The following GARRE1 variants were observed in gnomAD, a reference collection of about 807,000 sequenced individuals.
GARRE1 encodes granule associated Rac and RHOG effector 1, also known as granule associated Rac and RHOG effector protein 1.
GARRE1 carries 49 observed loss-of-function variants against 103.2 expected under a neutral mutation model. The ratio of observed to expected loss-of-function variants is 0.47; its 90% CI spans 0.38 to 0.60. The LOEUF (loss-of-function observed/expected upper bound fraction) is 0.60, where lower values mean the gene tolerates loss of function less well. Ranked by LOEUF, GARRE1 falls within the 20% of genes least tolerant of loss-of-function variation. The pLI is 0.00. For missense variants in GARRE1, 1,199 were observed against 1,370.5 expected, an observed-to-expected ratio of 0.87 and a Z score of 1.98; for synonymous variants, 505 against 532.8, an observed-to-expected ratio of 0.95 and a Z score of 0.72.
At chr19:34,337,050 GTTTT>G (rs113410326) in intron 8 of GARRE1, among the ~76,000 whole-genome samples, 1 of 115,964 alleles carries the variant, frequency 8.6e-6, no homozygotes, top group South Asian at 2.9e-4. Flanking sequence ...TTTTAGTTCT[GTTTT>G]TTTTTTTTTT....
intron 1 of GARRE1, among the ~76,000 whole-genome samples, chr19:34,275,006 A>T (rs2073808619): frequency 1.3e-5 from 2 of 152,220 alleles, no homozygotes; most frequent in African/African-American, 4.8e-5. Flanking sequence ...GGTTTGAGTC[A>T]GTCTGAACTG....
intron 1 of GARRE1, among the ~76,000 whole-genome samples, chr19:34,285,529 A>G (rs185518373): frequency 4.3e-4 from 66 of 152,214 alleles, no homozygotes; most frequent in African/African-American, 1.5e-3. Flanking sequence ...AGGCTGAGGC[A>G]TGAGAATTGC....
chr19:34,330,899 TA>T (rs1392477297), intron 7 of GARRE1, among the ~76,000 whole-genome samples: 1 of 117,008 alleles, frequency 8.5e-6, no homozygotes, highest in Non-Finnish European at 2.0e-5. Context: ...CACATCTGGC[TA>T]ATTTTTTTTT....
intron 10 of GARRE1, among the ~76,000 whole-genome samples, chr19:34,343,885 T>C (rs1177036357): frequency 6.6e-6 from 1 of 152,060 alleles, no homozygotes; most frequent in Non-Finnish European, 1.5e-5. Context: ...AAAAAGACTA[T>C]CTACTAAAAG....
In GARRE1 at chr19:34,300,973, A is replaced by G. The variant is rs529496099; in HGVS notation, c.495+5A>G. ...TTCAGTCTCCAGGACATTGAGGTAG[A>G]GTATCTTTTGTGTCATACTTGTGTA... On this transcript the variant is annotated splice_donor_5th_base_variant and intron_variant, in intron 2 of 13. Transcript: ENST00000299505. 1.9e-6 allele frequency: 3 copies of G among 1,592,744 alleles called. No homozygotes were observed. Among genetic ancestry groups the G allele is most frequent in the South Asian group, 2.2e-5 (2 of 90,508 alleles).
chr19:34,260,598 G>A (rs559130894), intron 1 of GARRE1, among the ~76,000 whole-genome samples: 1 of 152,208 alleles, frequency 6.6e-6, no homozygotes, highest in Non-Finnish European at 1.5e-5. Flanking sequence ...AGTTACATAT[G>A]TATACATGTG....
chr19:34,328,268 G>T, intron 6 of GARRE1, 117 bp downstream of exon 6: 3 of 1,134,116 alleles, frequency 2.6e-6, no homozygotes, highest in Non-Finnish European at 3.7e-6. Flanking sequence ...GGGCGTGGTG[G>T]CTCACGCCTG....
In GARRE1 at chr19:34,330,487, A is replaced by T; in HGVS notation, c.1263+140A>T. ...GCTGTGGAATTTAGACCAGGCAGGT[A>T]GACAAGGTAAAGGAAGAGCAGCATT... On this transcript the variant is annotated intron_variant, in intron 7 of 13. Transcript: ENST00000299505. 6 of 803,222 alleles carry T rather than the reference A, an allele frequency of 7.5e-6. No individual in the cohort carries two copies. In the East Asian group the frequency reaches 1.6e-4, roughly 22 times the overall value. 49.8% of individuals were successfully genotyped at this position (803,222 alleles called of 1,614,324 possible).
chr19:34,322,970 A>C (rs917526905), intron 3 of GARRE1, among the ~76,000 whole-genome samples: 6 of 151,996 alleles, frequency 3.9e-5, no homozygotes, highest in African/African-American at 1.5e-4. Flanking sequence ...TGATTCATTA[A>C]ATAATGTCTA....
chr19:34,311,640 C>A (rs1216510717), intron 2 of GARRE1, among the ~76,000 whole-genome samples: 1 of 152,098 alleles, frequency 6.6e-6, no homozygotes, highest in Non-Finnish European at 1.5e-5. Context: ...GATGTAGTTT[C>A]GCTCTTGTTG....
chr19:34,298,035 T>A (rs971901698), intron 1 of GARRE1, among the ~76,000 whole-genome samples: 18 of 152,052 alleles, frequency 1.2e-4, no homozygotes, highest in African/African-American at 4.3e-4. Context: ...GAAGTATGAG[T>A]TACATTTAAT....
In GARRE1 at chr19:34,351,546, C is replaced by G. The variant is rs190814778; in HGVS notation, c.2858C>G (p.Thr953Arg). 3.1e-6 allele frequency: 5 copies of G among 1,614,040 alleles called. No individual in the cohort carries two copies. The South Asian group carries it at 5.5e-5, about 18-fold the overall frequency. Residue 953 changes from threonine (T) to arginine (R), a missense_variant, in exon 13 of 14, where the codon ACG becomes AGG. Coordinates refer to ENST00000299505, the MANE Select transcript of GARRE1 (RefSeq NM_014686.5). ...AGCAGTGGAGAGCAAGACACCAGCA[C>G]GCTGCCCTCACCACCTCTCCTCACC... ...KHSSGEQDTS[T>R]LPSPPLLTTV...
chr19:34,262,491 T>C (rs1049702289), intron 1 of GARRE1, among the ~76,000 whole-genome samples: 2 of 151,760 alleles, frequency 1.3e-5, no homozygotes, highest in Non-Finnish European at 2.9e-5. Flanking sequence ...AGATGGGGTT[T>C]CACCATATTG....
chr19:34,323,847 C>T (rs894268531), intron 3 of GARRE1, among the ~76,000 whole-genome samples: 1 of 152,096 alleles, frequency 6.6e-6, no homozygotes, highest in African/African-American at 2.4e-5. Flanking sequence ...TTTTTTGCCA[C>T]CATTTTAGTC....
In GARRE1 at chr19:34,347,959, C is replaced by T. The variant is rs770797568; in HGVS notation, c.2604C>T (p.Arg868=). 1 of 1,588,754 alleles carries T rather than the reference C, an allele frequency of 6.3e-7. No homozygotes were observed. The highest frequency in any genetic ancestry group is 2.3e-5 in the East Asian group (1 of 42,790). ...MQQKRQAQHG[R]RPGNPRGNWP... ...AGAAGCGGCAGGCCCAGCACGGTCG[C>T]CGGCCAGGCAACCCCCGGGGCAACT... The change falls in exon 11 of 14, where the codon CGC becomes CGT. Residue 868 remains arginine (R), a synonymous_variant. Coordinates refer to ENST00000299505, the MANE Select transcript of GARRE1 (RefSeq NM_014686.5).
At chr19:34,309,074 C>G (rs2074024991) in intron 2 of GARRE1, among the ~76,000 whole-genome samples, 1 of 121,132 alleles carries the variant, frequency 8.3e-6, no homozygotes, top group Non-Finnish European at 2.1e-5. Context: ...ACTTCTCCCT[C>G]TTTAAAAAAA....
In GARRE1 at chr19:34,320,030, A is replaced by G; in HGVS notation, c.619A>G (p.Asn207Asp). ...FAEVIVPEKKNSGSGGGLSGM... is the reference protein window; with the variant it reads ...FAEVIVPEKKDSGSGGGLSGM... ...TGAGGTCATCGTGCCAGAAAAAAAG[A>G]ACAGCGGCAGTGGCGGCGGCTTATC... The change falls in exon 3 of 14, where the codon AAC (asparagine) becomes GAC (aspartate). Residue 207 changes from asparagine to aspartate, a missense_variant. By Grantham distance (23) the Asn-to-Asp change is conservative. Transcript: ENST00000299505. The G allele has an allele frequency of 6.2e-7, 1 of 1,614,246 alleles. No homozygotes were observed. The highest frequency in any genetic ancestry group is 8.5e-7 in the Non-Finnish European group (1 of 1,180,048).
chr19:34,301,418 G>T (rs1429138085), intron 2 of GARRE1, among the ~76,000 whole-genome samples: 1 of 151,194 alleles, frequency 6.6e-6, no homozygotes, highest in Admixed American at 6.6e-5. Flanking sequence ...AGAAGCTGAG[G>T]TGGGAGGATT....
chr19:34,330,043 C>A, intron 6 of GARRE1, 146 bp from the exon 7 acceptor site: 1 of 708,302 alleles, frequency 1.4e-6, no homozygotes, highest in Non-Finnish European at 2.3e-6. Context: ...CATGTTCGTG[C>A]CACCGGACTG....
Sources: gnomAD v4.1 joint callset for allele counts (sites outside exome capture counted in the v4.1 genomes callset) on GRCh38, gnomAD v4.1.1 for gene constraint, MANE v1.5 for transcripts, NCBI Gene and HGNC (gene_info 2026-07-23, HGNC 2026-07-21) for gene names.